The following EIF4E3 variants were observed in gnomAD, a reference collection of about 807,000 sequenced individuals.
EIF4E3 encodes eukaryotic translation initiation factor 4E type 3.
Under a neutral mutation model 31.7 loss-of-function variants are expected in EIF4E3, and 26 were observed. That is an observed-to-expected ratio of 0.82 (90% CI 0.60 to 1.14). The LOEUF is 1.14. Ranked by LOEUF, EIF4E3 falls within the 50% of genes most tolerant of loss-of-function variation. The pLI, the probability that EIF4E3 is intolerant of heterozygous loss-of-function variation, is 0.00. For synonymous variants in EIF4E3, 128 were observed against 107.7 expected, an observed-to-expected ratio of 1.19 and a Z score of -1.17; for missense variants, 304 against 270.9, an observed-to-expected ratio of 1.12 and a Z score of -0.86.
downstream of EIF4E3, among the ~76,000 whole-genome samples, chr3:71,674,901 C>A (rs925445934): frequency 2.0e-5 from 3 of 152,182 alleles, no homozygotes; most frequent in African/African-American, 7.2e-5. Context: ...TTGCTCAAGG[C>A]ACAAGCGAAT....
At chr3:71,699,887 G>C (rs886735459) in intron 2 of EIF4E3, among the ~76,000 whole-genome samples, 179 bp from the exon 3 acceptor site, 6 of 152,098 alleles carry the variant, frequency 3.9e-5, no homozygotes, top group African/African-American at 1.4e-4. Flanking sequence ...TAACATTAAA[G>C]AATGCTGGGC....
chr3:71,746,158 C>T (rs2049870624), intron 1 of EIF4E3, among the ~76,000 whole-genome samples: 1 of 152,194 alleles, frequency 6.6e-6, no homozygotes, highest in Non-Finnish European at 1.5e-5. Context: ...TTGGTCCAGA[C>T]AGACTGGAAT....
the EIF4E3 span, among the ~76,000 whole-genome samples, chr3:71,665,697 T>C: frequency 1.7e-4 from 26 of 152,086 alleles, no homozygotes; most frequent in Non-Finnish European, 3.4e-4. Flanking sequence ...GACCACATAA[T>C]TGGAAGTAAA....
At chr3:71,754,681 G>A, upstream of EIF4E3, 3 of 1,498,234 alleles carry the variant, frequency 2.0e-6, no homozygotes, top group Non-Finnish European at 2.7e-6. The surrounding 1 kb of genome is among the most constrained non-coding windows in gnomAD (Gnocchi z 5.8). Context: ...ATCCACGACC[G>A]CCGCAAGATG....
chr3:71,703,112 C>T (rs1374247413), intron 2 of EIF4E3, among the ~76,000 whole-genome samples: 2 of 151,476 alleles, frequency 1.3e-5, no homozygotes, highest in Non-Finnish European at 2.9e-5. Flanking sequence ...CTTTTTTTTC[C>T]CAAAAGCCTT....
At chr3:71,722,586 C>T (rs1037790368) in intron 1 of EIF4E3, among the ~76,000 whole-genome samples, 2 of 152,242 alleles carry the variant, frequency 1.3e-5, no homozygotes, top group Non-Finnish European at 2.9e-5. Context: ...AAATTACCTT[C>T]CTCAAATGCC....
At chr3:71,742,378 G>T (rs559416219) in intron 1 of EIF4E3, among the ~76,000 whole-genome samples, 2 of 152,154 alleles carry the variant, frequency 1.3e-5, no homozygotes, top group African/African-American at 4.8e-5. Flanking sequence ...CAATGAATTG[G>T]TAACACAGAT....
intron 1 of EIF4E3, among the ~76,000 whole-genome samples, chr3:71,736,452 A>C (rs904393840): frequency 6.6e-6 from 1 of 152,222 alleles, no homozygotes; most frequent in African/African-American, 2.4e-5. Context: ...CATCCAGACA[A>C]TGGAATATCA....
chr3:71,729,527 C>G (rs540255305), upstream of EIF4E3, among the ~76,000 whole-genome samples: 1 of 152,264 alleles, frequency 6.6e-6, no homozygotes, highest in South Asian at 2.1e-4. Flanking sequence ...AGCTTCCTAC[C>G]CTCTCTGTGC....
In EIF4E3 at chr3:71,689,999, G is replaced by C. The variant is rs772557898; in HGVS notation, c.628+11C>G. ...AAGCTAGAAAGTAATAACTGGAAAT[G>C]AAGCACTTACGTTTATAAAATACTG... On this transcript the variant is annotated intron_variant, in intron 6 of 6. Coordinates refer to ENST00000425534, the MANE Select transcript of EIF4E3 (RefSeq NM_001134651.2). 6.3e-6 allele frequency: 10 copies of C among 1,590,428 alleles called. No homozygotes were observed. Among genetic ancestry groups the C allele is most frequent in the Non-Finnish European group, 8.6e-6 (10 of 1,168,428 alleles).
At chr3:71,667,479 C>T in the EIF4E3 span, among the ~76,000 whole-genome samples, 1 of 152,174 alleles carries the variant, frequency 6.6e-6, no homozygotes, top group Non-Finnish European at 1.5e-5. Context: ...TTGCAGATGA[C>T]ATGATTGTAT....
intron 1 of EIF4E3, among the ~76,000 whole-genome samples, chr3:71,752,960 G>A (rs1259690787): frequency 6.6e-6 from 1 of 152,164 alleles, no homozygotes; most frequent in Admixed American, 6.5e-5. Context: ...GTGGCATAGG[G>A]TTCACCTTCC....
chr3:71,752,043 T>C (rs1194717994), intron 1 of EIF4E3, among the ~76,000 whole-genome samples: 1 of 152,230 alleles, frequency 6.6e-6, no homozygotes, highest in Non-Finnish European at 1.5e-5. Flanking sequence ...CACTTGCTGC[T>C]GGCCACTTAG....
chr3:71,693,633 CA>C (rs2049093175), intron 5 of EIF4E3, among the ~76,000 whole-genome samples: 1 of 152,056 alleles, frequency 6.6e-6, no homozygotes, highest in Non-Finnish European at 1.5e-5. Context: ...GAAAAATATA[CA>C]TGAATATATA....
chr3:71,708,669 A>C (rs2049330259), intron 2 of EIF4E3, among the ~76,000 whole-genome samples: 1 of 152,062 alleles, frequency 6.6e-6, no homozygotes, highest in Non-Finnish European at 1.5e-5. Context: ...ATCTAATGTC[A>C]TGTGGGTTGG....
Position 71,685,925 on chromosome 3 carries a change from G to A in EIF4E3, c.629-1197C>T, listed in dbSNP as rs151321790. On this transcript the variant is annotated intron_variant, in intron 6 of 6. Coordinates refer to ENST00000425534, the MANE Select transcript of EIF4E3 (RefSeq NM_001134651.2). ...ACTTAGCAGTGAATGGGGTTCTAGG[G>A]AGGCAGATGGGCTGGCCCATTTCAC... is the stretch of plus-strand genomic sequence containing the variant. Among the ~76,000 whole-genome samples the A allele has an allele frequency of 2.0e-5, 3 of 152,294 alleles. No homozygotes were observed. The East Asian group carries it at 5.8e-4, about 29-fold the overall frequency.
At position 71,679,026 on chromosome 3, in the gene EIF4E3, G is replaced by A. The variant is rs1044757351; in HGVS notation, c.*5656C>T. 4 of 152,108 alleles carry A rather than the reference G, an allele frequency of 2.6e-5. No individual in the cohort carries two copies. The highest frequency in any genetic ancestry group is 5.9e-5 in the Non-Finnish European group (4 of 68,008). 9.4% of individuals were successfully genotyped at this position (152,108 alleles called of 1,614,324 possible). ...TTAAAAACAAAAACAATGGTTGTAAGCCACATTATCTGATTAAAGTCTGAG... is the reference window on the plus strand; with the variant it reads ...TTAAAAACAAAAACAATGGTTGTAAACCACATTATCTGATTAAAGTCTGAG... On this transcript the variant is annotated 3_prime_UTR_variant, in exon 7 of 7. Transcript: ENST00000425534.
rs533410527 is a variant in EIF4E3 at position 71,685,754 on chromosome 3, G to A, written c.629-1026C>T. On this transcript the variant is annotated intron_variant, in intron 6 of 6. Coordinates refer to ENST00000425534, the MANE Select transcript of EIF4E3 (RefSeq NM_001134651.2). ...TAGAAGATGCCACAGGGAGACCTACGAAATACATAACATTTTCTCTAAGGC... is the reference window on the plus strand; with the variant it reads ...TAGAAGATGCCACAGGGAGACCTACAAAATACATAACATTTTCTCTAAGGC... Among the ~76,000 whole-genome samples, 27 of 152,294 alleles carry A rather than the reference G, an allele frequency of 1.8e-4. No individual in the cohort carries two copies. In the South Asian group the frequency reaches 5.0e-3, roughly 28 times the overall value.
At chr3:71,696,327 C>A (rs1478381045) in intron 4 of EIF4E3, 133 bp downstream of exon 4, 12 of 853,030 alleles carry the variant, frequency 1.4e-5, no homozygotes, top group Admixed American at 2.4e-5. Context: ...AAGGTCAGAA[C>A]AGAATTTCTC....
Sources: allele counts gnomAD v4.1 joint callset (sites outside exome capture counted in the v4.1 genomes callset), GRCh38; gene constraint gnomAD v4.1.1; non-coding constraint Gnocchi (gnomAD v3.1); transcripts MANE v1.5; gene names NCBI Gene and HGNC (gene_info 2026-07-23, HGNC 2026-07-21).